The following RNASEL variants were observed in gnomAD, a reference collection of about 807,000 sequenced individuals.
The protein encoded by RNASEL is ribonuclease L.
A neutral mutation model predicts 50.9 loss-of-function variants in RNASEL; 36 were observed. That is an observed-to-expected ratio of 0.71 (90% confidence interval 0.54 to 0.93). The LOEUF is 0.93. RNASEL is among the 40% of genes least tolerant of loss of function. RNASEL has a pLI of 0.00. For synonymous variants in RNASEL, 335 were observed against 335.6 expected, an observed-to-expected ratio of 1.00 and a Z score of 0.02; for missense variants, 860 against 894.5, an observed-to-expected ratio of 0.96 and a Z score of 0.49.
intron 5 of RNASEL, chr1:182,578,114 T>C (rs1661425124): frequency 1.3e-5 from 2 of 151,974 alleles, no homozygotes; most frequent in African/African-American, 4.8e-5. Context: ...GCACAAGCAA[T>C]GAAAATAAAG....
chr1:182,586,857 C>T lies in RNASEL; in HGVS notation c.-51G>A. The T allele has an allele frequency of 6.2e-7, 1 of 1,610,702 alleles. No individual in the cohort carries two copies. Among genetic ancestry groups the T allele is most frequent in the Non-Finnish European group, 8.5e-7 (1 of 1,178,698 alleles). On this transcript the variant is annotated 5_prime_UTR_variant, in exon 2 of 7. Transcript: ENST00000367559. ...TTTTAGCCTTTTCCTTGAGAAAATG[C>T]AAATTTATCTCCTAGCACTTAATCA...
chr1:182,581,908 G>A, intron 4 of RNASEL, 145 bp downstream of exon 4: 1 of 766,866 alleles, frequency 1.3e-6, no homozygotes. Flanking sequence ...GAGAGGTTAA[G>A]TCATCTCTCC....
chr1:182,587,198 T>A (rs1661617443), intron 1 of RNASEL, among the ~76,000 whole-genome samples: 2 of 152,150 alleles, frequency 1.3e-5, no homozygotes, highest in Admixed American at 1.3e-4. Context: ...TTCTATATAT[T>A]TTTTAAGACA....
chr1:182,578,379 A>C (rs1661430459), intron 5 of RNASEL: 1 of 152,270 alleles, frequency 6.6e-6, no homozygotes, highest in Admixed American at 6.5e-5. Context: ...ATATGAAAAA[A>C]TGCTTAACAT....
rs1661603694 is a variant in RNASEL, at chr1:182,586,597, G to A, written c.210C>T (p.Ser70=). 6.2e-7 allele frequency: 1 copy of A among 1,606,720 alleles called. No homozygotes were observed. Among genetic ancestry groups the A allele is most frequent in the Non-Finnish European group, 8.5e-7 (1 of 1,174,550 alleles). The change falls in exon 2 of 7, where the codon AGC becomes AGT. Residue 70 remains serine, a synonymous_variant. Coordinates refer to ENST00000367559, the MANE Select transcript of RNASEL (RefSeq NM_021133.4). ...GCAGAAGTTCCACAATGTCCTCCCTGCTCATTTGTACTGCGTTATGCAGAG... is the reference window on the plus strand; with the variant it reads ...GCAGAAGTTCCACAATGTCCTCCCTACTCATTTGTACTGCGTTATGCAGAG... The part of the protein sequence containing the change: ...WTPLHNAVQM[S]REDIVELLLR...
Position 182,575,155 on chromosome 1 carries a change from A to T in RNASEL, c.*237T>A, listed in dbSNP as rs1217530093. On this transcript the variant is annotated 3_prime_UTR_variant, in exon 7 of 7. Coordinates refer to ENST00000367559, the MANE Select transcript of RNASEL (RefSeq NM_021133.4). ...TCATTCTTTTGGTGCAATTGACAAAAGGAATCTTAGCAGAATGTCCTCCCA... is the reference window on the plus strand; with the variant it reads ...TCATTCTTTTGGTGCAATTGACAAATGGAATCTTAGCAGAATGTCCTCCCA... The T allele has an allele frequency of 1.8e-6, 1 of 550,986 alleles. No individual in the cohort carries two copies. Among genetic ancestry groups the T allele is most frequent in the East Asian group, 3.0e-5 (1 of 33,378 alleles). The allele number at this position is 550,986 out of a possible 1,614,324, so 34.1% of individuals were successfully genotyped here.
intron 4 of RNASEL, among the ~76,000 whole-genome samples, chr1:182,581,588 T>C (rs1661498957): frequency 7.0e-6 from 1 of 143,200 alleles, no homozygotes; most frequent in Admixed American, 7.7e-5. Context: ...TTCAAGCAAT[T>C]CTCCTGCCTC....
At chr1:182,584,443 G>A (rs928842403) in intron 2 of RNASEL, among the ~76,000 whole-genome samples, 4 of 152,064 alleles carry the variant, frequency 2.6e-5, no homozygotes, top group East Asian at 3.9e-4. Context: ...CCAGCTCCTC[G>A]TTCATGCAAT....
Position 182,586,214 on chromosome 1 carries a change from C to T in RNASEL, c.593G>A (p.Cys198Tyr). 1 of 1,614,204 alleles carries T rather than the reference C, an allele frequency of 6.2e-7. No homozygotes were observed. Among genetic ancestry groups the T allele is most frequent in the Non-Finnish European group, 8.5e-7 (1 of 1,180,044 alleles). ...CAAGGCATTTCTGCCCATATTGTCA[C>T]AGGCGTTTACATCTGCCCCCATCTC... ...LDEMGADVNA[C>Y]DNMGRNALIH... Residue 198 changes from cysteine (C) to tyrosine (Y), a missense_variant, in exon 2 of 7, where the codon TGT (cysteine) becomes TAT (tyrosine). Coordinates refer to ENST00000367559, the MANE Select transcript of RNASEL (RefSeq NM_021133.4).
At position 182,575,274 on chromosome 1, in the gene RNASEL, C is replaced by T. The variant is rs948215108; in HGVS notation, c.*118G>A. On this transcript the variant is annotated 3_prime_UTR_variant, in exon 7 of 7. Coordinates refer to ENST00000367559, the MANE Select transcript of RNASEL (RefSeq NM_021133.4). ...TACACGATGCCAGGGACTGACATAT[C>T]AGCTATGCAACTCATCCCTCACAAG... is the stretch of plus-strand genomic sequence containing the variant. 1 of 939,400 alleles carries T rather than the reference C, an allele frequency of 1.1e-6. No individual in the cohort carries two copies. Among genetic ancestry groups the T allele is most frequent in the Non-Finnish European group, 1.8e-6 (1 of 570,608 alleles). The allele number at this position is 939,400 out of a possible 1,614,324, so 58.2% of individuals were successfully genotyped here. A position where few individuals can be genotyped will look rare whatever the true frequency, so the allele number is the denominator to read the frequency against.
rs1292776905 is a variant in RNASEL at position 182,586,095 on chromosome 1, T to C, written c.712A>G (p.Arg238Gly). Residue 238 changes from arginine (R) to glycine (G), a missense_variant, in exon 2 of 7, where the codon AGA becomes GGA. By Grantham distance (125) the Arg-to-Gly change is moderately radical (BLOSUM62 -2). Coordinates refer to ENST00000367559, the MANE Select transcript of RNASEL (RefSeq NM_021133.4). ...GCCAGGATCAGGGGAGTCTTCCCTC[T>C]TTCTCCCCTCACATTGACATCAGCC... is the stretch of plus-strand genomic sequence containing the variant. Reference protein sequence around the residue: ...HGADVNVRGERGKTPLILAVE... With the variant: ...HGADVNVRGEGGKTPLILAVE... 14 of 1,613,998 alleles carry C rather than the reference T, an allele frequency of 8.7e-6. No individual in the cohort carries two copies. The highest frequency in any genetic ancestry group is 4.5e-5 in the East Asian group (2 of 44,892).
chr1:182,588,357 T>C (rs1385229859), intron 1 of RNASEL, among the ~76,000 whole-genome samples: 2 of 152,220 alleles, frequency 1.3e-5, no homozygotes, highest in Non-Finnish European at 2.9e-5. Context: ...TACATTAAAG[T>C]ATGGAGTGTT....
intron 5 of RNASEL, chr1:182,577,043 ATTTT>A (rs529818689): frequency 1.4e-5 from 2 of 141,248 alleles, no homozygotes; most frequent in Admixed American, 7.1e-5. Context: ...TGCCCAGCTA[ATTTT>A]TTTTTTTTTG....
intron 3 of RNASEL, 39 bp downstream of exon 3, chr1:182,584,042 A>G (rs200633805): frequency 1.2e-5 from 17 of 1,452,490 alleles, no homozygotes; most frequent in Middle Eastern, 1.7e-4. Context: ...AGAATAAGGA[A>G]GCAGAAAGAA....
Position 182,586,263 on chromosome 1 carries a change from C to G in RNASEL, c.544G>C (p.Glu182Gln), listed in dbSNP as rs776578834. The G allele has an allele frequency of 2.4e-5, 38 of 1,614,096 alleles. No individual in the cohort carries two copies. The highest frequency in any genetic ancestry group is 2.4e-5 in the Non-Finnish European group (28 of 1,180,040). The change falls in exon 2 of 7, where the codon GAG (glutamate) becomes CAG (glutamine). Residue 182 changes from glutamate (E) to glutamine (Q), a missense_variant. Coordinates refer to ENST00000367559, the MANE Select transcript of RNASEL (RefSeq NM_021133.4). ...LMDAAEKGHVEVLKILLDEMG... is the reference protein window; with the variant it reads ...LMDAAEKGHVQVLKILLDEMG... ...TCATCAAGGAGAATCTTCAAGACCT[C>G]TACGTGTCCTTTTTCAGCAGCGTCC...
In RNASEL at chr1:182,574,909, G is replaced by C. The variant is rs1474964338; in HGVS notation, c.*483C>G. On this transcript the variant is annotated 3_prime_UTR_variant, in exon 7 of 7. Coordinates refer to ENST00000367559, the MANE Select transcript of RNASEL (RefSeq NM_021133.4). ...GCCTCATCTGGAAGAGCCCTGGAAG[G>C]ATAGTTAAGTTTTAAGGTGCCCAAA... 1 of 249,542 alleles carries C rather than the reference G, an allele frequency of 4.0e-6. No individual in the cohort carries two copies. Among genetic ancestry groups the C allele is most frequent in the South Asian group, 1.3e-4 (1 of 7,454 alleles). The allele number at this position is 249,542 out of a possible 1,614,324, so 15.5% of individuals were successfully genotyped here.
chr1:182,588,729 T>A (rs554455267), intron 1 of RNASEL, among the ~76,000 whole-genome samples: 2 of 152,266 alleles, frequency 1.3e-5, no homozygotes, highest in South Asian at 4.1e-4. Flanking sequence ...CACCAGGCAA[T>A]GAAATCTTTG....
chr1:182,586,023 C>G lies in RNASEL; in HGVS notation c.784G>C (p.Glu262Gln). Residue 262 changes from glutamate to glutamine, a missense_variant, in exon 2 of 7, where the codon GAG becomes CAG. Glu to Gln is a conservative substitution (Grantham distance 29, BLOSUM62 2). Transcript: ENST00000367559. ...LGLVQRLLEQ[E>Q]HIEINDTDSD... Reference sequence around the variant, plus strand: ...TCTGTGTCATTAATCTCTATGTGCTCTTGCTCCAGAAGCCTCTGCACCAAA... The same window carrying G: ...TCTGTGTCATTAATCTCTATGTGCTGTTGCTCCAGAAGCCTCTGCACCAAA... The G allele has an allele frequency of 6.2e-7, 1 of 1,614,116 alleles. No homozygotes were observed. Among genetic ancestry groups the G allele is most frequent in the Non-Finnish European group, 8.5e-7 (1 of 1,180,034 alleles).
intron 1 of RNASEL, among the ~76,000 whole-genome samples, chr1:182,588,212 A>G (rs530820760): frequency 6.6e-5 from 10 of 152,196 alleles, no homozygotes; most frequent in Non-Finnish European, 1.3e-4. Context: ...TTGTACTCTG[A>G]CCTTAGGGAG....
Sources: allele counts gnomAD v4.1 joint callset (sites outside exome capture counted in the v4.1 genomes callset), GRCh38; gene constraint gnomAD v4.1.1; transcripts MANE v1.5; gene names NCBI Gene and HGNC (gene_info 2026-07-23, HGNC 2026-07-21).